Variants in HTT observed in about 807,000 individuals in gnomAD.
HTT encodes huntington disease protein.
A neutral mutation model predicts 362.3 loss-of-function variants in HTT; 104 were observed. The ratio of observed to expected loss-of-function variants is 0.29; its 90% CI spans 0.24 to 0.34. The LOEUF (loss-of-function observed/expected upper bound fraction) is 0.34, where lower values mean the gene tolerates loss of function less well. Among genes scored for constraint, HTT ranks in the 10% least tolerant of loss-of-function variants. HTT has a pLI of 1.00. For missense variants in HTT, 3,301 were observed against 3,928.6 expected (o/e 0.84, Z 4.27); for synonymous variants, 1,577 against 1,548.7 (o/e 1.02, Z -0.43).
chr4:3,074,936 A>AGCAGCAGCAG lies in HTT; in HGVS notation c.111_112insGCAGCAGCAG (p.Gln38AlafsTer48), dbSNP rs1553909045. ...AGCAGCAGCAGCAGCAGCAGCAGCA[A>AGCAGCAGCAG]CAGCCGCCACCGCCGCCGCCGCCGC... On this transcript the variant is annotated frameshift_variant, in exon 1 of 67. Coordinates refer to ENST00000355072, the MANE Select transcript of HTT (RefSeq NM_001388492.1). LOFTEE classifies it high-confidence loss of function. 18 of 1,216,778 alleles carry AGCAGCAGCAG rather than the reference A, an allele frequency of 1.5e-5. No homozygotes were observed. The highest frequency in any genetic ancestry group is 8.1e-5 in the Admixed American group (3 of 36,886). The allele number at this position is 1,216,778 out of a possible 1,614,324, so 75.4% of individuals were successfully genotyped here. A position where few individuals can be genotyped will look rare whatever the true frequency, so the allele number is the denominator to read the frequency against.
chr4:3,131,476 T>TG, intron 15 of HTT, 79 bp downstream of exon 15: 1 of 1,464,212 alleles, frequency 6.8e-7, no homozygotes, highest in Non-Finnish European at 9.6e-7. Flanking sequence ...GTTTTTGCCT[T>TG]GCGTGCAGCA....
intron 60 of HTT, 138 bp downstream of exon 60, chr4:3,230,180 G>A (rs1170972625): frequency 1.8e-5 from 12 of 663,806 alleles, no homozygotes; most frequent in East Asian, 2.7e-5. Context: ...CACGGCCCAC[G>A]TGAGCTGCAG....
chr4:3,131,718 C>G lies in HTT; in HGVS notation c.2179C>G (p.Pro727Ala), dbSNP rs746323235. The G allele has an allele frequency of 6.2e-7, 1 of 1,614,036 alleles. No individual in the cohort carries two copies. Among genetic ancestry groups the G allele is most frequent in the East Asian group, 2.2e-5 (1 of 44,892 alleles). ...SCVGAAVALH[P>A]ESFFSKLYKV... ...TGTGGGAGCAGCTGTGGCCCTCCAC[C>G]CGGAATCTTTCTTCAGCAAACTCTA... is the stretch of plus-strand genomic sequence containing the variant. The change falls in exon 16 of 67, where the codon CCG (proline) becomes GCG (alanine). Residue 727 changes from proline to alanine, a missense_variant. Pro to Ala is a conservative substitution (Grantham distance 27). Coordinates refer to ENST00000355072, the MANE Select transcript of HTT (RefSeq NM_001388492.1).
chr4:3,167,600 T>C (rs2110226129), intron 29 of HTT, among the ~76,000 whole-genome samples: 1 of 152,298 alleles, frequency 6.6e-6, no homozygotes, highest in Non-Finnish European at 1.5e-5. Flanking sequence ...ATTATGACTG[T>C]CATATATAGA....
Position 3,243,434 on chromosome 4 carries a change from G to A in HTT, c.*3375G>A, listed in dbSNP as rs1267403292. The A allele has an allele frequency of 1.3e-5, 2 of 152,472 alleles. No homozygotes were observed. The highest frequency in any genetic ancestry group is 4.8e-5 in the African/African-American group (2 of 41,468). 9.4% of individuals were successfully genotyped at this position (152,472 alleles called of 1,614,324 possible). A position where few individuals can be genotyped will look rare whatever the true frequency, so the allele number is the denominator to read the frequency against. ...AAGAAGGAAGATCTTGAGAGCTGCT[G>A]AGGGACCTTGGAGAGCTCAGGATGG... is the stretch of plus-strand genomic sequence containing the variant. On this transcript the variant is annotated 3_prime_UTR_variant, in exon 67 of 67. Transcript: ENST00000355072.
At chr4:3,102,400 T>G (rs552673654) in intron 3 of HTT, among the ~76,000 whole-genome samples, 1 of 152,384 alleles carries the variant, frequency 6.6e-6, no homozygotes, top group African/African-American at 2.4e-5. Flanking sequence ...TTTGTAAAGC[T>G]AAATCAAGGT....
At chr4:3,109,445 G>T (rs1017353479) in intron 6 of HTT, among the ~76,000 whole-genome samples, 1 of 151,986 alleles carries the variant, frequency 6.6e-6, no homozygotes, top group Non-Finnish European at 1.5e-5. Flanking sequence ...GGCTGGTCTC[G>T]AACTCCTGAC....
chr4:3,190,193 A>G (rs1487508575), intron 40 of HTT, among the ~76,000 whole-genome samples: 1 of 151,930 alleles, frequency 6.6e-6, no homozygotes. Context: ...AAGAAAATCA[A>G]AAACTAGCTA....
In HTT at chr4:3,238,844, G is replaced by A. The variant is rs1721671270; in HGVS notation, c.9081G>A (p.Gly3027=). The change falls in exon 66 of 67, where the codon GGG becomes GGA. Residue 3027 remains glycine (G), a synonymous_variant. Transcript: ENST00000355072. ...YKVFQTLHST[G]QSSMVRDWVM... ...TGTTTCAGACTCTGCACAGCACCGG[G>A]CAGTCGTCCATGGTCCGGGACTGGG... is the stretch of plus-strand genomic sequence containing the variant. 9.3e-6 allele frequency: 15 copies of A among 1,612,284 alleles called. No homozygotes were observed. The highest frequency in any genetic ancestry group is 1.3e-5 in the Non-Finnish European group (15 of 1,179,820).
chr4:3,163,469 T>C (rs957142306), intron 29 of HTT, among the ~76,000 whole-genome samples: 1 of 152,234 alleles, frequency 6.6e-6, no homozygotes, highest in Non-Finnish European at 1.5e-5. Flanking sequence ...TTCTCTCTTT[T>C]TCTATTGATT....
chr4:3,133,676 A>G (rs1715932125), intron 18 of HTT, among the ~76,000 whole-genome samples: 1 of 152,222 alleles, frequency 6.6e-6, no homozygotes, highest in Non-Finnish European at 1.5e-5. Flanking sequence ...TTCCATACCA[A>G]CTGGCTCATA....
intron 44 of HTT, 66 bp from the exon 45 acceptor site, chr4:3,207,215 A>G: frequency 7.1e-6 from 10 of 1,404,474 alleles, no homozygotes; most frequent in Non-Finnish European, 1.0e-5. Flanking sequence ...ATCCTTTTTA[A>G]ATGAGCATGA....
chr4:3,186,095 G>A (rs1215291785), intron 37 of HTT, among the ~76,000 whole-genome samples: 3 of 152,118 alleles, frequency 2.0e-5, no homozygotes, highest in Non-Finnish European at 4.4e-5. Context: ...GTGGGTGAGG[G>A]GGCAAGGATA....
intron 26 of HTT, among the ~76,000 whole-genome samples, chr4:3,150,623 C>T (rs1716827911): frequency 6.6e-6 from 1 of 152,208 alleles, no homozygotes; most frequent in Non-Finnish European, 1.5e-5. Flanking sequence ...TTTCCACTCA[C>T]CAAGTCTTTT....
chr4:3,229,653 A>G (rs1259961093), intron 59 of HTT, among the ~76,000 whole-genome samples: 1 of 151,510 alleles, frequency 6.6e-6, no homozygotes, highest in Non-Finnish European at 1.5e-5. Context: ...GCACACACAC[A>G]CCACATACGC....
intron 64 of HTT, among the ~76,000 whole-genome samples, chr4:3,236,618 C>T (rs1445042679): frequency 6.6e-6 from 1 of 152,156 alleles, no homozygotes; most frequent in African/African-American, 2.4e-5. Context: ...CTCAGCCTGG[C>T]TGCCTATCGT....
intron 1 of HTT, among the ~76,000 whole-genome samples, chr4:3,084,799 G>A (rs1014137350): frequency 2.0e-5 from 3 of 151,922 alleles, no homozygotes; most frequent in African/African-American, 7.3e-5. Flanking sequence ...AGATCACGAG[G>A]TCAGGAGATC....
intron 51 of HTT, among the ~76,000 whole-genome samples, 159 bp from the exon 52 acceptor site, chr4:3,217,606 G>A (rs573531916): frequency 5.3e-5 from 8 of 152,330 alleles, no homozygotes; most frequent in Middle Eastern, 3.4e-3. Context: ...TGGTATAGGC[G>A]GATATGAAGG....
At chr4:3,140,183 C>G (rs755948363) in intron 21 of HTT, among the ~76,000 whole-genome samples, 7 of 151,766 alleles carry the variant, frequency 4.6e-5, no homozygotes, top group Non-Finnish European at 7.4e-5. Flanking sequence ...ATCACTTGAA[C>G]CTGGACGGCA....
Sources: allele counts gnomAD v4.1 joint callset (sites outside exome capture counted in the v4.1 genomes callset), GRCh38; gene constraint gnomAD v4.1.1; transcripts MANE v1.5; gene names NCBI Gene and HGNC (gene_info 2026-07-23, HGNC 2026-07-21).